The following QRICH1 variants were observed in gnomAD, a reference collection of about 807,000 sequenced individuals.
QRICH1 encodes transcriptional regulator QRICH1.
QRICH1 carries 16 observed loss-of-function variants against 87.1 expected under a neutral mutation model. The observed-to-expected ratio is 0.18, with a 90% confidence interval of 0.12 to 0.28. QRICH1 has a LOEUF of 0.28. Among genes scored for constraint, QRICH1 ranks in the 10% least tolerant of loss-of-function variants. QRICH1 has a pLI of 1.00. For synonymous variants in QRICH1, 367 were observed against 368.4 expected (o/e 1.00, Z 0.05); for missense variants, 647 against 951.7 (o/e 0.68, Z 4.21).
intron 2 of QRICH1, among the ~76,000 whole-genome samples, chr3:49,074,852 G>A (rs1277035806): frequency 6.6e-6 from 1 of 151,764 alleles, no homozygotes; most frequent in African/African-American, 2.4e-5. Context: ...GGTGGCAGCT[G>A]CCTGTAGTCC....
At chr3:49,065,408 A>G (rs1038460852) in intron 2 of QRICH1, among the ~76,000 whole-genome samples, 1 of 152,208 alleles carries the variant, frequency 6.6e-6, no homozygotes, top group Non-Finnish European at 1.5e-5. Flanking sequence ...GGCATCCCAA[A>G]GTGTTAGGAT....
chr3:49,087,496 G>C (rs752884410), intron 1 of QRICH1, among the ~76,000 whole-genome samples: 3 of 151,142 alleles, frequency 2.0e-5, no homozygotes, highest in African/African-American at 7.3e-5. Flanking sequence ...AGTGAGCCAC[G>C]ATCGCACCAC....
intron 6 of QRICH1, among the ~76,000 whole-genome samples, chr3:49,040,542 C>T (rs2093304015): frequency 1.3e-5 from 2 of 152,222 alleles, no homozygotes; most frequent in Non-Finnish European, 2.9e-5. Context: ...ATTTTCTTCA[C>T]TGCTATATTA....
intron 2 of QRICH1, among the ~76,000 whole-genome samples, chr3:49,062,427 C>G (rs1341626982): frequency 7.3e-6 from 1 of 136,262 alleles, no homozygotes; most frequent in African/African-American, 2.7e-5. Context: ...GTGGTGGAAT[C>G]TCAGCTTACT....
At chr3:49,062,340 A>C (rs2093440010) in intron 2 of QRICH1, among the ~76,000 whole-genome samples, 1 of 151,230 alleles carries the variant, frequency 6.6e-6, no homozygotes, top group Non-Finnish European at 1.5e-5. Flanking sequence ...ATCTCAGAAA[A>C]AAAAAAAAAC....
At chr3:49,091,197 C>T (rs920075179) in intron 1 of QRICH1, among the ~76,000 whole-genome samples, 4 of 151,824 alleles carry the variant, frequency 2.6e-5, no homozygotes, top group Non-Finnish European at 5.9e-5. Flanking sequence ...CACTCCAGCC[C>T]GGGCAACAGA....
chr3:49,089,355 C>T (rs966949618), intron 1 of QRICH1, among the ~76,000 whole-genome samples: 5 of 152,110 alleles, frequency 3.3e-5, no homozygotes, highest in Non-Finnish European at 7.3e-5. Context: ...CCACTGCACC[C>T]GGCCATGGTT....
intron 2 of QRICH1, among the ~76,000 whole-genome samples, chr3:49,071,595 C>T (rs1383547385): frequency 6.6e-6 from 1 of 152,086 alleles, no homozygotes; most frequent in Non-Finnish European, 1.5e-5. Context: ...AACCCCACCT[C>T]TACTGAAAAA....
chr3:49,043,270 C>T (rs866558762), intron 6 of QRICH1, among the ~76,000 whole-genome samples: 8 of 151,216 alleles, frequency 5.3e-5, no homozygotes, highest in South Asian at 2.1e-4. Context: ...CCGAGGTGGG[C>T]GGATCACCTG....
At chr3:49,077,131 G>A in intron 1 of QRICH1, 93 bp from the exon 2 acceptor site, 3 of 809,598 alleles carry the variant, frequency 3.7e-6, no homozygotes, top group Middle Eastern at 7.8e-4. Flanking sequence ...ATATATTCAG[G>A]GCAGCTGTAT....
At chr3:49,069,789 T>TA (rs2093490384) in intron 2 of QRICH1, among the ~76,000 whole-genome samples, 1 of 151,948 alleles carries the variant, frequency 6.6e-6, no homozygotes, top group Non-Finnish European at 1.5e-5. Flanking sequence ...CTATGATTCT[T>TA]ACTCAAAAGA....
rs1575373667 is a variant in QRICH1 at position 49,076,774 on chromosome 3, T to G, written c.244A>C (p.Thr82Pro). The G allele has an allele frequency of 1.2e-6, 2 of 1,610,582 alleles. No individual in the cohort carries two copies. Among genetic ancestry groups the G allele is most frequent in the Non-Finnish European group, 1.7e-6 (2 of 1,177,836 alleles). The part of the protein sequence containing the change: ...SLLELACPVT[T>P]SVQPQTQQEQ... ...TGCTGGGTTTGTGGCTGAACACTGG[T>G]GGTGACTGGACAGGCAAGTTCAAGC... is the stretch of plus-strand genomic sequence containing the variant. Residue 82 changes from threonine to proline, a missense_variant, in exon 2 of 10, where the codon ACC (threonine) becomes CCC (proline). Thr to Pro is a conservative substitution (Grantham distance 38). Around this residue, in one of 7 missense-constraint regions of QRICH1, gnomAD observed 56 missense variants for 109.6 expected, o/e 0.51. Transcript: ENST00000395443.
chr3:49,092,246 C>G (rs1456697963), intron 1 of QRICH1: 1 of 152,052 alleles, frequency 6.6e-6, no homozygotes, highest in African/African-American at 2.4e-5. Flanking sequence ...TGGCTGAATT[C>G]AAAGATGCCG....
At chr3:49,078,371 G>A (rs931396727) in intron 1 of QRICH1, among the ~76,000 whole-genome samples, 6 of 142,182 alleles carry the variant, frequency 4.2e-5, no homozygotes, top group Admixed American at 1.5e-4. Context: ...TGTGGAAAAC[G>A]AAGAATTATG....
intron 1 of QRICH1, chr3:49,083,297 T>A (rs1313628134): frequency 6.6e-6 from 1 of 151,454 alleles, no homozygotes; most frequent in East Asian, 1.9e-4. Flanking sequence ...GAGGATTGCT[T>A]GAGTAGTCCA....
intron 1 of QRICH1, among the ~76,000 whole-genome samples, chr3:49,090,589 C>G (rs1273060895): frequency 1.4e-5 from 2 of 147,048 alleles, no homozygotes; most frequent in Non-Finnish European, 3.0e-5. Context: ...AATCGTGCTA[C>G]TGCACTCCAG....
rs750478692 is a variant in QRICH1, at chr3:49,047,070, C to A, written c.1515G>T (p.Gly505=). Residue 505 remains glycine (G), a splice_region_variant and synonymous_variant, in exon 4 of 10, where the codon GGG becomes GGT. Coordinates refer to ENST00000395443, the MANE Select transcript of QRICH1 (RefSeq NM_198880.3). ...KDAQNRLAPI[G]RRQLLRFQED... is the part of the protein sequence containing the mutation. ...CCACTCTTCTTCCAAGACACTCACTCCCAATGGGTGCCAATCTGTTCTGAG... is the reference window on the plus strand; with the variant it reads ...CCACTCTTCTTCCAAGACACTCACTACCAATGGGTGCCAATCTGTTCTGAG... The A allele has an allele frequency of 6.2e-7, 1 of 1,611,160 alleles. No homozygotes were observed. The highest frequency in any genetic ancestry group is 8.5e-7 in the Non-Finnish European group (1 of 1,177,908).
chr3:49,032,135 TAC>T (rs2093244592), intron 9 of QRICH1, 46 bp downstream of exon 9: 2 of 1,433,088 alleles, frequency 1.4e-6, no homozygotes, highest in African/African-American at 1.4e-5. Context: ...TGCACACGCA[TAC>T]ACACACATGC....
chr3:49,032,814 G>C, intron 7 of QRICH1, 41 bp from the exon 8 acceptor site: 1 of 1,579,772 alleles, frequency 6.3e-7, no homozygotes, highest in Non-Finnish European at 8.6e-7. Context: ...GAGGGGTGCC[G>C]GGAGGATACC....
Sources: gnomAD v4.1 joint callset for allele counts (sites outside exome capture counted in the v4.1 genomes callset) on GRCh38, gnomAD v4.1.1 for gene constraint, gnomAD v4.1.1 regional missense constraint, MANE v1.5 for transcripts, NCBI Gene and HGNC (gene_info 2026-07-23, HGNC 2026-07-21) for gene names.